Variants in KIRREL3 observed in about 807,000 individuals in gnomAD.
KIRREL3 encodes the protein kirre like nephrin family adhesion molecule 3.
In KIRREL3, 36 loss-of-function variants were observed where a neutral mutation model predicts 89.7. The ratio of observed to expected loss-of-function variants is 0.40; its 90% confidence interval spans 0.31 to 0.53. The LOEUF is 0.53. Ranked by LOEUF, KIRREL3 falls within the 20% of genes least tolerant of loss-of-function variation. The pLI, the probability that KIRREL3 is intolerant of heterozygous loss-of-function variation, is 0.49. For synonymous variants in KIRREL3, 445 were observed against 441.4 expected (o/e 1.01, Z -0.10); for missense variants, 864 against 1,056.6 (o/e 0.82, Z 2.53).
At chr11:126,875,023 C>T (rs1380568580) in intron 1 of KIRREL3, among the ~76,000 whole-genome samples, 5 of 152,140 alleles carry the variant, frequency 3.3e-5, no homozygotes, top group Non-Finnish European at 5.9e-5. Flanking sequence ...TAAGAACACT[C>T]GCTGTCCTGT....
chr11:126,567,135 C>A (rs1286392590), intron 1 of KIRREL3, among the ~76,000 whole-genome samples: 1 of 152,206 alleles, frequency 6.6e-6, no homozygotes, highest in Non-Finnish European at 1.5e-5. Context: ...CCTCCTGCAC[C>A]AAATTCGTAC....
intron 1 of KIRREL3, among the ~76,000 whole-genome samples, chr11:126,828,051 G>A (rs544775871): frequency 5.3e-5 from 8 of 152,288 alleles, no homozygotes; most frequent in Middle Eastern, 3.4e-3. Flanking sequence ...TTACCTCAAA[G>A]ATTATTATGA....
chr11:126,637,582 A>G (rs1049046426), intron 1 of KIRREL3, among the ~76,000 whole-genome samples: 1 of 152,236 alleles, frequency 6.6e-6, no homozygotes, highest in Admixed American at 6.5e-5. Context: ...AATTCAAAGA[A>G]AAAAATGACT....
intron 6 of KIRREL3, among the ~76,000 whole-genome samples, chr11:126,457,109 C>G (rs2134235743): frequency 6.6e-6 from 1 of 152,074 alleles, no homozygotes; most frequent in South Asian, 2.1e-4. Flanking sequence ...CACAGAGACA[C>G]ACAGAAGGGA....
rs141877096 is a variant in KIRREL3, at chr11:126,715,289, G to A, written c.56-152377C>T. Reference sequence around the variant, plus strand: ...GAAGAAAACTATTCAGCATTTTCAGGTTCCTTCCTTTCAGATCTTCCCAAA... The same window carrying A: ...GAAGAAAACTATTCAGCATTTTCAGATTCCTTCCTTTCAGATCTTCCCAAA... On this transcript the variant is annotated intron_variant, in intron 1 of 16. Transcript: ENST00000525144. The surrounding 1 kb of genome is among the most constrained non-coding windows in gnomAD (Gnocchi z 4.4). 3.3e-3 allele frequency among the ~76,000 whole-genome samples: 498 copies of A among 152,306 alleles called. 1 individual carries two copies. The highest frequency in any genetic ancestry group is 0.011 in the African/African-American group (452 of 41,564).
intron 1 of KIRREL3, among the ~76,000 whole-genome samples, chr11:126,964,464 C>T (rs1013729535): frequency 6.6e-6 from 1 of 152,140 alleles, no homozygotes; most frequent in Non-Finnish European, 1.5e-5. Context: ...GCACTTTATT[C>T]CATGTTGGGT....
Position 126,486,186 on chromosome 11 carries a change from A to G in KIRREL3, c.434-12720T>C, listed in dbSNP as rs1032986560. On this transcript the variant is annotated intron_variant, in intron 4 of 16. Transcript: ENST00000525144. This position sits in a 1 kb window ranked among gnomAD's most constrained non-coding sequence, Gnocchi z 6.2. ...GCAGTGATTTGCACTCAAGCAGACC[A>G]GTGTGCCTGTGCCGGCTCCAGATGA... 6.6e-6 allele frequency among the ~76,000 whole-genome samples: 1 copy of G among 152,158 alleles called. No homozygotes were observed. The highest frequency in any genetic ancestry group is 1.5e-5 in the Non-Finnish European group (1 of 68,018).
At position 126,471,392 on chromosome 11, in the gene KIRREL3, A is replaced by AAAT. The variant is rs1456526839; in HGVS notation, c.591+1916_591+1917insATT. Among the ~76,000 whole-genome samples the AAAT allele has an allele frequency of 3.4e-5, 5 of 147,372 alleles. No individual in the cohort carries two copies. The highest frequency in any genetic ancestry group is 4.9e-5 in the African/African-American group (2 of 40,490). On this transcript the variant is annotated intron_variant, in intron 5 of 16. Transcript: ENST00000525144. The surrounding 1 kb of genome is among the most constrained non-coding windows in gnomAD (Gnocchi z 5.4). Reference sequence around the variant, plus strand: ...TCTCAAAATAAATAAATAAATAAATAAAATAAATAAAAAATAAAAAAAGAA... The same window carrying AAAT: ...TCTCAAAATAAATAAATAAATAAATAAATAAATAAATAAAAAATAAAAAAAGAA...
intron 1 of KIRREL3, among the ~76,000 whole-genome samples, chr11:126,632,485 C>A (rs915746371): frequency 6.6e-6 from 1 of 152,182 alleles, no homozygotes; most frequent in African/African-American, 2.4e-5. Flanking sequence ...CAATATTTGG[C>A]TCGGAGGAAG....
chr11:126,632,242 C>T (rs141875936), intron 1 of KIRREL3, among the ~76,000 whole-genome samples: 2,229 of 152,304 alleles, frequency 0.015, 50 homozygotes, highest in African/African-American at 0.05. Context: ...TTTCTCTAAT[C>T]AGGGCTCTTC....
rs532454263 is a variant in KIRREL3, at chr11:126,995,846, T to C, written c.55+4609A>G. On this transcript the variant is annotated intron_variant, in intron 1 of 16. Coordinates refer to ENST00000525144, the MANE Select transcript of KIRREL3 (RefSeq NM_032531.4). This position sits in a 1 kb window ranked among gnomAD's most constrained non-coding sequence, Gnocchi z 6.5. ...AACTGCATCTTCGGGCCTAATCTCCTGCTCCACCCCATCTCCTGCTGGCCC... is the reference window on the plus strand; with the variant it reads ...AACTGCATCTTCGGGCCTAATCTCCCGCTCCACCCCATCTCCTGCTGGCCC... Among the ~76,000 whole-genome samples, 1 of 152,324 alleles carries C rather than the reference T, an allele frequency of 6.6e-6. No homozygotes were observed. The highest frequency in any genetic ancestry group is 1.5e-5 in the Non-Finnish European group (1 of 68,028).
chr11:126,556,832 A>G (rs1939744180), intron 2 of KIRREL3, among the ~76,000 whole-genome samples: 1 of 152,210 alleles, frequency 6.6e-6, no homozygotes, highest in African/African-American at 2.4e-5. Flanking sequence ...ATAAATAACA[A>G]TCATAAAGTG....
chr11:126,633,781 TC>T (rs1248599429), intron 1 of KIRREL3, among the ~76,000 whole-genome samples: 1 of 152,240 alleles, frequency 6.6e-6, no homozygotes, highest in Non-Finnish European at 1.5e-5. Flanking sequence ...TCCTTTTCCA[TC>T]ATCCATCAGT....
chr11:126,832,792 G>A (rs1265098759), intron 1 of KIRREL3, among the ~76,000 whole-genome samples: 1 of 152,062 alleles, frequency 6.6e-6, no homozygotes, highest in African/African-American at 2.4e-5. Context: ...CTCCTTTTTG[G>A]TCTGGACGCC....
rs1003374391 is a variant in KIRREL3 at position 126,740,666 on chromosome 11, A to G, written c.56-177754T>C. Among the ~76,000 whole-genome samples the G allele has an allele frequency of 6.6e-6, 1 of 152,152 alleles. No homozygotes were observed. The highest frequency in any genetic ancestry group is 1.5e-5 in the Non-Finnish European group (1 of 68,014). On this transcript the variant is annotated intron_variant, in intron 1 of 16. Coordinates refer to ENST00000525144, the MANE Select transcript of KIRREL3 (RefSeq NM_032531.4). The surrounding 1 kb of genome is among the most constrained non-coding windows in gnomAD (Gnocchi z 6.0). The stretch of plus-strand genomic sequence containing the variant: ...GTGGCTCCAAGGGGGAGGTGCTAGT[A>G]GAGGGGCTCTAGTAGGGTGTCTTGA...
chr11:126,739,166 C>T lies in KIRREL3; in HGVS notation c.56-176254G>A, dbSNP rs1315040020. 6.6e-6 allele frequency among the ~76,000 whole-genome samples: 1 copy of T among 152,088 alleles called. No homozygotes were observed. Among genetic ancestry groups the T allele is most frequent in the African/African-American group, 2.4e-5 (1 of 41,332 alleles). On this transcript the variant is annotated intron_variant, in intron 1 of 16. Coordinates refer to ENST00000525144, the MANE Select transcript of KIRREL3 (RefSeq NM_032531.4). This position sits in a 1 kb window ranked among gnomAD's most constrained non-coding sequence, Gnocchi z 5.5. ...GACTGTTCTGGCTCCAAAGCCAAACCCTTCCACCCGTTCCGTGCTATTGTT... is the reference window on the plus strand; with the variant it reads ...GACTGTTCTGGCTCCAAAGCCAAACTCTTCCACCCGTTCCGTGCTATTGTT...
intron 1 of KIRREL3, among the ~76,000 whole-genome samples, chr11:126,865,507 G>A (rs564974306): frequency 6.6e-6 from 1 of 152,338 alleles, no homozygotes; most frequent in East Asian, 1.9e-4. Flanking sequence ...CACCCTGCAG[G>A]GCCACCACAG....
At position 126,550,386 on chromosome 11, in the gene KIRREL3, C is replaced by G. The variant is rs1415393461; in HGVS notation, c.133+12449G>C. On this transcript the variant is annotated intron_variant, in intron 2 of 16. Transcript: ENST00000525144. The surrounding 1 kb of genome is among the most constrained non-coding windows in gnomAD (Gnocchi z 4.9). ...TTACGTTAAGAATATTAGTCGCACGCCTGTAATCCCAGCACTTTGGGAGGC... is the reference window on the plus strand; with the variant it reads ...TTACGTTAAGAATATTAGTCGCACGGCTGTAATCCCAGCACTTTGGGAGGC... 1 of 152,250 alleles carries G rather than the reference C, an allele frequency of 6.6e-6. No homozygotes were observed. The highest frequency in any genetic ancestry group is 1.9e-4 in the East Asian group (1 of 5,180). 9.4% of individuals were successfully genotyped at this position (152,250 alleles called of 1,614,324 possible).
intron 1 of KIRREL3, among the ~76,000 whole-genome samples, chr11:126,626,670 C>T (rs1478687085): frequency 6.6e-6 from 1 of 152,200 alleles, no homozygotes; most frequent in Non-Finnish European, 1.5e-5. Flanking sequence ...CGGTGCCTAT[C>T]AGCCCGTTGA....
Sources: allele counts gnomAD v4.1 joint callset (sites outside exome capture counted in the v4.1 genomes callset), GRCh38; gene constraint gnomAD v4.1.1; non-coding constraint Gnocchi (gnomAD v3.1); transcripts MANE v1.5; gene names NCBI Gene and HGNC (gene_info 2026-07-23, HGNC 2026-07-21).